The following INTS8 variants were observed in gnomAD, a reference collection of about 807,000 sequenced individuals.
The protein encoded by INTS8 is protein kaonashi-1.
Under a neutral mutation model 138.9 loss-of-function variants are expected in INTS8, and 47 were observed. The ratio of observed to expected loss-of-function variants is 0.34; its 90% CI spans 0.27 to 0.43. The LOEUF is 0.43. INTS8 is among the 20% of genes least tolerant of loss of function. INTS8 has a pLI of 1.00. For missense variants in INTS8, 996 were observed against 1,173.0 expected (o/e 0.85, Z 2.20); for synonymous variants, 392 against 400.9 (o/e 0.98, Z 0.27).
At chr8:94,854,050 C>T (rs1563658031) in intron 14 of INTS8, 135 bp downstream of exon 14, 2 of 527,292 alleles carry the variant, frequency 3.8e-6, no homozygotes, top group East Asian at 3.1e-5. Context: ...GCCTGGCCAA[C>T]ATGGTGAAAC....
chr8:94,829,967 G>T (rs1053006044), intron 5 of INTS8, among the ~76,000 whole-genome samples: 1 of 152,144 alleles, frequency 6.6e-6, no homozygotes, highest in Admixed American at 6.5e-5. Context: ...GGCGGAGTCA[G>T]CTCACTGCAA....
chr8:94,838,392 A>G (rs1380462771), intron 7 of INTS8, 71 bp from the exon 8 acceptor site: 30 of 1,311,312 alleles, frequency 2.3e-5, no homozygotes, highest in Middle Eastern at 2.5e-4. Flanking sequence ...CTGTTAAAAC[A>G]TGCTAAGGGG....
rs1275730020 is a variant in INTS8, at chr8:94,881,519, A to C, written c.*1285A>C. ...AATCAGAATGGCAGTGTAACTTGTG[A>C]ATTGGCTAGGGCAATCAATCACAGC... is the stretch of plus-strand genomic sequence containing the variant. On this transcript the variant is annotated 3_prime_UTR_variant, in exon 27 of 27. Coordinates refer to ENST00000523731, the MANE Select transcript of INTS8 (RefSeq NM_017864.4). 6 of 979,166 alleles carry C rather than the reference A, an allele frequency of 6.1e-6. No homozygotes were observed. The highest frequency in any genetic ancestry group is 9.0e-6 in the Non-Finnish European group (6 of 668,502). 60.7% of individuals were successfully genotyped at this position (979,166 alleles called of 1,614,324 possible). A position where few individuals can be genotyped will look rare whatever the true frequency, so the allele number is the denominator to read the frequency against.
chr8:94,869,554 A>G (rs557164421), intron 20 of INTS8, among the ~76,000 whole-genome samples: 148 of 151,430 alleles, frequency 9.8e-4, no homozygotes, highest in African/African-American at 3.4e-3. Flanking sequence ...GTGCAGTGGC[A>G]TGATCTCAGC....
chr8:94,856,282 G>T (rs1200456280), intron 14 of INTS8, among the ~76,000 whole-genome samples: 1 of 152,192 alleles, frequency 6.6e-6, no homozygotes, highest in African/African-American at 2.4e-5. Context: ...GAAATATGTG[G>T]AGCAATAGAA....
At chr8:94,860,592 A>AC (rs1815922240) in intron 16 of INTS8, among the ~76,000 whole-genome samples, 3 of 149,992 alleles carry the variant, frequency 2.0e-5, no homozygotes, top group African/African-American at 4.9e-5. Context: ...AAAAAAAAAA[A>AC]AAAAAAAAAA....
At position 94,823,458 on chromosome 8, in the gene INTS8, G is replaced by A. The variant is rs747125099; in HGVS notation, c.27G>A (p.Glu9=). 3 of 1,542,890 alleles carry A rather than the reference G, an allele frequency of 1.9e-6. No individual in the cohort carries two copies. The highest frequency in any genetic ancestry group is 4.1e-5 in the Admixed American group (2 of 49,230). MSAEAADR[E]AATSSRPCTP... is the part of the protein sequence containing the mutation. ...TGAGCGCGGAGGCGGCGGACCGGGA[G>A]GCGGCCACCTCCAGCCGGCCCTGCA... is the stretch of plus-strand genomic sequence containing the variant. Residue 9 remains glutamate (E), a synonymous_variant, in exon 1 of 27, where the codon GAG becomes GAA. Coordinates refer to ENST00000523731, the MANE Select transcript of INTS8 (RefSeq NM_017864.4).
rs1210530804 is a variant in INTS8 at position 94,861,256 on chromosome 8, A to ATTTTTTTTTTTTTTTTTTTTTT, written c.2076+1626_2076+1647dup. On this transcript the variant is annotated intron_variant, in intron 16 of 26. Transcript: ENST00000523731. Reference sequence around the variant, plus strand: ...CTTCAGTTTTTCCCCCCTTTTTGTAATTTTTTTTTTTTTTTTTTTTTTTGA... The same window carrying ATTTTTTTTTTTTTTTTTTTTTT: ...CTTCAGTTTTTCCCCCCTTTTTGTAATTTTTTTTTTTTTTTTTTTTTTTTTTTTTTTTTTTTTTTTTTTTTGA... Among the ~76,000 whole-genome samples the ATTTTTTTTTTTTTTTTTTTTTT allele has an allele frequency of 8.7e-5, 5 of 57,388 alleles. 1 individual carries two copies. The highest frequency in any genetic ancestry group is 1.3e-3 in the East Asian group (2 of 1,562). The allele number at this position is 57,388 out of a possible 152,430, so 37.6% of individuals were successfully genotyped here.
intron 8 of INTS8, among the ~76,000 whole-genome samples, chr8:94,840,715 G>T (rs143194087): frequency 6.6e-6 from 1 of 151,418 alleles, no homozygotes. Flanking sequence ...CTGCCAACGT[G>T]CCTGGCTAAT....
chr8:94,827,911 G>A, intron 4 of INTS8, 118 bp downstream of exon 4: 1 of 842,598 alleles, frequency 1.2e-6, no homozygotes, highest in Non-Finnish European at 2.0e-6. Flanking sequence ...GAGGGCAGAA[G>A]GCCTGTGTGA....
intron 16 of INTS8, among the ~76,000 whole-genome samples, chr8:94,861,627 A>G (rs1224296595): frequency 6.6e-6 from 1 of 150,378 alleles, no homozygotes; most frequent in East Asian, 2.0e-4. Context: ...ATCTCGGCTC[A>G]CCGCAACCTC....
chr8:94,869,813 CTG>C (rs1274505909), intron 20 of INTS8, among the ~76,000 whole-genome samples: 11 of 152,032 alleles, frequency 7.2e-5, no homozygotes, highest in Admixed American at 6.6e-4. Context: ...TTTTTAGCCT[CTG>C]TAGTATTACC....
At chr8:94,824,096 T>G (rs1814390355) in intron 1 of INTS8, among the ~76,000 whole-genome samples, 1 of 152,242 alleles carries the variant, frequency 6.6e-6, no homozygotes, top group Non-Finnish European at 1.5e-5. Flanking sequence ...TGCTGCACAT[T>G]TGCAAGATGG....
intron 25 of INTS8, 71 bp downstream of exon 25, chr8:94,876,356 T>C: frequency 7.0e-7 from 1 of 1,437,632 alleles, no homozygotes; most frequent in Non-Finnish European, 9.6e-7. Context: ...TTTAATATTG[T>C]ATATTTTCCA....
intron 6 of INTS8, among the ~76,000 whole-genome samples, chr8:94,834,319 G>T (rs1009515223): frequency 6.6e-6 from 1 of 151,588 alleles, no homozygotes; most frequent in East Asian, 1.9e-4. Flanking sequence ...GCCTAGAAAG[G>T]GGAATTATAT....
At chr8:94,861,203 T>C (rs1246638562) in intron 16 of INTS8, among the ~76,000 whole-genome samples, 1 of 151,610 alleles carries the variant, frequency 6.6e-6, no homozygotes, top group Non-Finnish European at 1.5e-5. Flanking sequence ...ATTTTAACCC[T>C]TTCAGGATTT....
In INTS8 at chr8:94,851,784, TCTTA is replaced by T. The variant is rs368666576; in HGVS notation, c.1641+103_1641+106del. On this transcript the variant is annotated intron_variant, in intron 13 of 26. Transcript: ENST00000523731. ...CCTGACCTTTTTGATAATAAGGACC[TCTTA>T]CTTAACAGTTTTAAGACCTTCATAT... 8.6e-4 allele frequency: 827 copies of T among 957,550 alleles called. 5 individuals carry two copies. The African/African-American group carries it at 0.012, about 14-fold the overall frequency. The allele number at this position is 957,550 out of a possible 1,614,324, so 59.3% of individuals were successfully genotyped here. A position where few individuals can be genotyped will look rare whatever the true frequency, so the allele number is the denominator to read the frequency against.
intron 22 of INTS8, 170 bp downstream of exon 22, chr8:94,873,647 T>A: frequency 1.8e-6 from 1 of 563,688 alleles, no homozygotes; most frequent in South Asian, 2.3e-5. Context: ...TTCTAGCACC[T>A]ATTGCTGTCT....
chr8:94,837,897 C>G (rs761079078), intron 7 of INTS8, among the ~76,000 whole-genome samples: 73 of 152,022 alleles, frequency 4.8e-4, no homozygotes, highest in Non-Finnish European at 8.7e-4. Flanking sequence ...GCATAGTTTA[C>G]GGCCCACAAA....
Sources: allele counts gnomAD v4.1 joint callset (sites outside exome capture counted in the v4.1 genomes callset), GRCh38; gene constraint gnomAD v4.1.1; transcripts MANE v1.5; gene names NCBI Gene and HGNC (gene_info 2026-07-23, HGNC 2026-07-21).